The following PPP2R2C variants were observed in gnomAD, a reference collection of about 807,000 sequenced individuals.
PPP2R2C encodes protein phosphatase 2 regulatory subunit Bgamma.
In PPP2R2C, 10 loss-of-function variants were observed where a neutral mutation model predicts 45.3. The ratio of observed to expected loss-of-function variants is 0.22; its 90% CI spans 0.14 to 0.37. The LOEUF (loss-of-function observed/expected upper bound fraction) is 0.37, where lower values mean the gene tolerates loss of function less well. Ranked by LOEUF, PPP2R2C falls within the 10% of genes least tolerant of loss-of-function variation. The pLI is 1.00. For synonymous variants in PPP2R2C, 257 were observed against 245.4 expected, an observed-to-expected ratio of 1.05 and a Z score of -0.44; for missense variants, 308 against 619.7, an observed-to-expected ratio of 0.50 and a Z score of 5.34.
intron 5 of PPP2R2C, among the ~76,000 whole-genome samples, chr4:6,371,391 G>A (rs1475898223): frequency 3.9e-5 from 6 of 152,180 alleles, no homozygotes; most frequent in Non-Finnish European, 8.8e-5. Context: ...AATGCTCCCT[G>A]CCTCCCCTGC....
intron 2 of PPP2R2C, among the ~76,000 whole-genome samples, chr4:6,528,843 C>A (rs541261005): frequency 6.6e-6 from 1 of 152,180 alleles, no homozygotes; most frequent in South Asian, 2.1e-4. Context: ...CAGAGAACAA[C>A]CCCCTTTGAC....
In PPP2R2C at chr4:6,404,598, G is replaced by A. The variant is rs140208013; in HGVS notation, c.71-23504C>T. Among the ~76,000 whole-genome samples the A allele has an allele frequency of 1.2e-4, 19 of 152,320 alleles. 1 individual carries two copies. In the East Asian group the frequency reaches 3.3e-3, roughly 26 times the overall value. On this transcript the variant is annotated intron_variant, in intron 1 of 8. Coordinates refer to ENST00000382599, the MANE Select transcript of PPP2R2C (RefSeq NM_020416.4). Reference sequence around the variant, plus strand: ...TTGCCTACTGAGAAAGCAATCACCCGAGGGGCCTGTAGGAAATTATGGGCC... The same window carrying A: ...TTGCCTACTGAGAAAGCAATCACCCAAGGGGCCTGTAGGAAATTATGGGCC...
intron 6 of PPP2R2C, among the ~76,000 whole-genome samples, chr4:6,346,144 G>A (rs964800631): frequency 6.6e-6 from 1 of 152,126 alleles, no homozygotes; most frequent in Non-Finnish European, 1.5e-5. Context: ...CCCCTCAGTG[G>A]GGTCACCATT....
chr4:6,335,654 G>A (rs1465056185), intron 6 of PPP2R2C, among the ~76,000 whole-genome samples: 1 of 152,050 alleles, frequency 6.6e-6, no homozygotes, highest in Non-Finnish European at 1.5e-5. Flanking sequence ...GACGGAGGAA[G>A]GAAGTTCCAG....
At chr4:6,381,646 G>A (rs2109314532) in intron 1 of PPP2R2C, 1 of 1,500,494 alleles carries the variant, frequency 6.7e-7, no homozygotes, top group Non-Finnish European at 8.9e-7. Flanking sequence ...GCAGGCCTCT[G>A]GGATCGCTCT....
intron 1 of PPP2R2C, among the ~76,000 whole-genome samples, chr4:6,414,847 G>A (rs1237604649): frequency 6.6e-6 from 1 of 152,130 alleles, no homozygotes; most frequent in African/African-American, 2.4e-5. Flanking sequence ...TCATCTGAAA[G>A]CCCGGATGAA....
rs987712441 is a variant in PPP2R2C at position 6,554,469 on chromosome 4, A to C, written c.-59+9091T>G. Among the ~76,000 whole-genome samples, 7 of 152,270 alleles carry C rather than the reference A, an allele frequency of 4.6e-5. No homozygotes were observed. The East Asian group carries it at 1.3e-3, about 29-fold the overall frequency. ...ATGAGACAATCAATTTCCTTTCTTC[A>C]AGCCACTCTGTGTGTAGTGCTTTGT... On this transcript the variant is annotated intron_variant, in intron 1 of 9. Transcript: ENST00000506140.
intron 1 of PPP2R2C, among the ~76,000 whole-genome samples, chr4:6,460,004 A>T (rs576688530): frequency 3.4e-4 from 52 of 152,328 alleles, no homozygotes; most frequent in African/African-American, 1.3e-3. Flanking sequence ...GCACGCAAAA[A>T]GGTGCAAAGA....
At chr4:6,527,952 G>C (rs1724271874) in intron 2 of PPP2R2C, among the ~76,000 whole-genome samples, 1 of 152,200 alleles carries the variant, frequency 6.6e-6, no homozygotes, top group African/African-American at 2.4e-5. Flanking sequence ...CGTGAGCCCA[G>C]ACTCCAAGCC....
rs1232041848 is a variant in PPP2R2C at position 6,414,120 on chromosome 4, G to GTA, written c.71-33027_71-33026insTA. ...TGTGTGTGTGTGTGTGTGTGTGTGT[G>GTA]TGTACAGGTAAATAAACATTGAAAG... On this transcript the variant is annotated intron_variant, in intron 1 of 8. Coordinates refer to ENST00000382599, the MANE Select transcript of PPP2R2C (RefSeq NM_020416.4). 5.6e-6 allele frequency: 6 copies of GTA among 1,073,066 alleles called. No homozygotes were observed. The African/African-American group carries it at 1.0e-4, about 18-fold the overall frequency. The allele number at this position is 1,073,066 out of a possible 1,614,324, so 66.5% of individuals were successfully genotyped here.
rs759162749 is a variant in PPP2R2C, at chr4:6,427,540, C to A, written c.70+44620G>T. Reference sequence around the variant, plus strand: ...CTGGGCTTCACATAGGCTGGACCTGCCAGGAATGAGCCCTACCCCATCTTC... The same window carrying A: ...CTGGGCTTCACATAGGCTGGACCTGACAGGAATGAGCCCTACCCCATCTTC... On this transcript the variant is annotated intron_variant, in intron 1 of 8. Transcript: ENST00000382599. 6.4e-4 allele frequency among the ~76,000 whole-genome samples: 97 copies of A among 152,328 alleles called. 1 individual carries two copies. The highest frequency in any genetic ancestry group is 6.8e-3 in the Middle Eastern group (2 of 294).
In PPP2R2C at chr4:6,510,992, A is replaced by C. The variant is rs1260088714; in HGVS notation, c.49+24279T>G. Among the ~76,000 whole-genome samples, 133 of 84,550 alleles carry C rather than the reference A, an allele frequency of 1.6e-3. 1 individual carries two copies. The highest frequency in any genetic ancestry group is 2.7e-3 in the Non-Finnish European group (95 of 35,500). The allele number at this position is 84,550 out of a possible 152,430, so 55.5% of individuals were successfully genotyped here. A position where few individuals can be genotyped will look rare whatever the true frequency, so the allele number is the denominator to read the frequency against. ...ACTCCGTCTCAAACAAAAAAAAACA[A>C]ACAAACAAAAAAAAAAACAGAAAAT... is the stretch of plus-strand genomic sequence containing the variant. On this transcript the variant is annotated intron_variant, in intron 2 of 9. Transcript: ENST00000506140.
At chr4:6,481,978 C>CAAAAAAA (rs59905632) in intron 2 of PPP2R2C, among the ~76,000 whole-genome samples, 5 of 81,150 alleles carry the variant, frequency 6.2e-5, no homozygotes, top group Non-Finnish European at 8.7e-5. Context: ...GACTCCGTCT[C>CAAAAAAA]AAAAAAAAAA....
intron 2 of PPP2R2C, among the ~76,000 whole-genome samples, chr4:6,523,203 T>G (rs1257742613): frequency 6.6e-6 from 1 of 152,190 alleles, no homozygotes; most frequent in Non-Finnish European, 1.5e-5. Context: ...CCCAAGCAGC[T>G]GCTCCAGAGG....
At chr4:6,459,777 C>T (rs1171335596) in intron 1 of PPP2R2C, among the ~76,000 whole-genome samples, 2 of 151,928 alleles carry the variant, frequency 1.3e-5, no homozygotes, top group Admixed American at 1.3e-4. Context: ...ACAGAGCAAG[C>T]CTCTGTCACA....
At chr4:6,352,417 G>C (rs527377181) in intron 5 of PPP2R2C, among the ~76,000 whole-genome samples, 1 of 152,312 alleles carries the variant, frequency 6.6e-6, no homozygotes, top group East Asian at 1.9e-4. Context: ...TGCTTCACAA[G>C]GTTCATTTCA....
intron 1 of PPP2R2C, among the ~76,000 whole-genome samples, chr4:6,454,159 C>T (rs951991592): frequency 1.3e-5 from 2 of 152,174 alleles, no homozygotes; most frequent in Non-Finnish European, 2.9e-5. Context: ...CAAGGTCAGA[C>T]AGAGCCCAGT....
intron 1 of PPP2R2C, among the ~76,000 whole-genome samples, chr4:6,404,324 G>A (rs1257247625): frequency 3.3e-5 from 5 of 152,138 alleles, no homozygotes; most frequent in African/African-American, 4.8e-5. Flanking sequence ...ACACAGAGGC[G>A]CCCTGTTGAA....
intron 5 of PPP2R2C, among the ~76,000 whole-genome samples, chr4:6,358,517 A>G (rs1713432006): frequency 9.6e-6 from 1 of 103,856 alleles, no homozygotes; most frequent in South Asian, 3.2e-4. Flanking sequence ...GCTTCTGCAC[A>G]GCAAAAAAAA....
Sources: gnomAD v4.1 joint callset for allele counts (sites outside exome capture counted in the v4.1 genomes callset) on GRCh38, gnomAD v4.1.1 for gene constraint, MANE v1.5 for transcripts, NCBI Gene and HGNC (gene_info 2026-07-23, HGNC 2026-07-21) for gene names.